The following CACNA2D3 variants were observed in gnomAD, a reference collection of about 807,000 sequenced individuals.
CACNA2D3 encodes calcium voltage-gated channel auxiliary subunit alpha2delta 3.
CACNA2D3 carries 60 observed loss-of-function variants against 160.6 expected under a neutral mutation model. The observed-to-expected ratio is 0.37, with a 90% CI of 0.30 to 0.46. The LOEUF (loss-of-function observed/expected upper bound fraction) is 0.46, where lower values mean the gene tolerates loss of function less well. CACNA2D3 is among the 20% of genes least tolerant of loss of function. The pLI is 1.00. For missense variants in CACNA2D3, 1,205 were observed against 1,365.0 expected, an observed-to-expected ratio of 0.88 and a Z score of 1.85; for synonymous variants, 558 against 492.9, an observed-to-expected ratio of 1.13 and a Z score of -1.75.
intron 13 of CACNA2D3, among the ~76,000 whole-genome samples, chr3:54,779,523 G>A (rs993820070): frequency 1.3e-5 from 2 of 152,082 alleles, no homozygotes; most frequent in Admixed American, 6.5e-5. Context: ...GCTTTTTTCT[G>A]TATTTCCCCC....
rs1559537974 is a variant in CACNA2D3, at chr3:54,646,188, T to TCCC, written c.1167+3947_1167+3948insCCC. ...CCTCCCTCCCTCCCTCCCTCCCTCC[T>TCCC]TCCTTGCTTCCTTCCTTCCTTCCTT... On this transcript the variant is annotated intron_variant, in intron 11 of 37. Coordinates refer to ENST00000474759, the MANE Select transcript of CACNA2D3 (RefSeq NM_018398.3). 5.1e-3 allele frequency among the ~76,000 whole-genome samples: 37 copies of TCCC among 7,290 alleles called. 2 individuals carry two copies. The highest frequency in any genetic ancestry group is 5.8e-3 in the Non-Finnish European group (17 of 2,908). 4.8% of individuals were successfully genotyped at this position (7,290 alleles called of 152,430 possible).
At chr3:54,346,735 G>A (rs1004181637) in intron 3 of CACNA2D3, among the ~76,000 whole-genome samples, 6 of 152,102 alleles carry the variant, frequency 3.9e-5, no homozygotes, top group Non-Finnish European at 8.8e-5. Context: ...TCTTTGTGTT[G>A]TATAGTTCTA....
chr3:54,331,923 TC>T (rs1369176766), intron 3 of CACNA2D3, among the ~76,000 whole-genome samples: 1 of 152,162 alleles, frequency 6.6e-6, no homozygotes, highest in African/African-American at 2.4e-5. Flanking sequence ...ATCAGAGCTA[TC>T]CCCTCCCTCC....
intron 5 of CACNA2D3, among the ~76,000 whole-genome samples, chr3:54,518,184 G>C (rs1474797442): frequency 1.3e-5 from 2 of 152,142 alleles, no homozygotes; most frequent in African/African-American, 2.4e-5. Context: ...TGTCAGCGTG[G>C]TTACGAGTGG....
intron 35 of CACNA2D3, among the ~76,000 whole-genome samples, chr3:55,020,269 T>G (rs1703417519): frequency 6.6e-6 from 1 of 150,682 alleles, no homozygotes; most frequent in Non-Finnish European, 1.5e-5. Context: ...ATTAGCTTAT[T>G]AATTTCCATG....
At chr3:54,601,420 C>T (rs1703058972) in intron 9 of CACNA2D3, among the ~76,000 whole-genome samples, 2 of 152,136 alleles carry the variant, frequency 1.3e-5, no homozygotes, top group African/African-American at 4.8e-5. Context: ...GTTGCCCAAG[C>T]TGGTCTGTAA....
chr3:54,966,514 TG>T (rs1702154187), intron 27 of CACNA2D3, among the ~76,000 whole-genome samples: 1 of 152,186 alleles, frequency 6.6e-6, no homozygotes, highest in Middle Eastern at 3.2e-3. Flanking sequence ...GAGAATCATC[TG>T]GGACACTTTT....
rs114296337 is a variant in CACNA2D3 at position 54,938,915 on chromosome 3, T to C, written c.2450-29535T>C. Among the ~76,000 whole-genome samples, 386 of 152,150 alleles carry C rather than the reference T, an allele frequency of 2.5e-3. 2 individuals carry two copies. The highest frequency in any genetic ancestry group is 9.0e-3 in the African/African-American group (374 of 41,506). On this transcript the variant is annotated intron_variant, in intron 27 of 37. Coordinates refer to ENST00000474759, the MANE Select transcript of CACNA2D3 (RefSeq NM_018398.3). Reference sequence around the variant, plus strand: ...TGGACATGCTGTCCCGCTGAAGCTGTCCCAGGAGAGCATGTGCATTGGCCT... The same window carrying C: ...TGGACATGCTGTCCCGCTGAAGCTGCCCCAGGAGAGCATGTGCATTGGCCT...
intron 12 of CACNA2D3, among the ~76,000 whole-genome samples, chr3:54,757,273 T>C (rs1351354121): frequency 6.6e-6 from 1 of 152,148 alleles, no homozygotes; most frequent in South Asian, 2.1e-4. Context: ...TCAGGTCCAA[T>C]GGAAATGCCA....
At position 54,386,467 on chromosome 3, in the gene CACNA2D3, A is replaced by G. The variant is rs1454085107; in HGVS notation, c.322-248A>G. ...GAATTGTTAGGTAAATGGATGCAGA[A>G]CACGTGTGCATTTATAAATGTGTAC... On this transcript the variant is annotated intron_variant, in intron 3 of 37. Transcript: ENST00000474759. Among the ~76,000 whole-genome samples, 9 of 152,328 alleles carry G rather than the reference A, an allele frequency of 5.9e-5. No homozygotes were observed. The East Asian group carries it at 1.5e-3, about 26-fold the overall frequency.
chr3:54,760,768 G>A (rs1702067154), intron 12 of CACNA2D3, among the ~76,000 whole-genome samples: 1 of 151,996 alleles, frequency 6.6e-6, no homozygotes, highest in South Asian at 2.1e-4. Flanking sequence ...GAGGGATATG[G>A]AGGATAATTA....
In CACNA2D3 at chr3:54,681,722, C is replaced by T. The variant is rs140800405; in HGVS notation, c.1167+39481C>T. Among the ~76,000 whole-genome samples, 842 of 152,240 alleles carry T rather than the reference C, an allele frequency of 5.5e-3. 15 individuals carry two copies. Among genetic ancestry groups the T allele is most frequent in the African/African-American group, 0.019 (804 of 41,540 alleles). On this transcript the variant is annotated intron_variant, in intron 11 of 37. Coordinates refer to ENST00000474759, the MANE Select transcript of CACNA2D3 (RefSeq NM_018398.3). ...TTTCTGAAACAGAGTCTCGCTTTGT[C>T]ACCCAGGCTGGTGTGATGCAATCTC...
At chr3:54,880,102 C>T (rs1454624894) in intron 20 of CACNA2D3, among the ~76,000 whole-genome samples, 1 of 152,200 alleles carries the variant, frequency 6.6e-6, no homozygotes, top group Non-Finnish European at 1.5e-5. Context: ...TAAATTCTAG[C>T]ATTGTTGTCC....
chr3:54,933,607 G>C (rs1336986246), intron 27 of CACNA2D3, among the ~76,000 whole-genome samples: 1 of 152,162 alleles, frequency 6.6e-6, no homozygotes, highest in Non-Finnish European at 1.5e-5. Flanking sequence ...AGCAGTTTCT[G>C]CCTCCACATT....
intron 25 of CACNA2D3, among the ~76,000 whole-genome samples, chr3:54,892,376 C>T (rs76718461): frequency 0.12 from 18,572 of 151,922 alleles, 1,205 homozygotes; most frequent in Non-Finnish European, 0.14. Context: ...TCCAAGGAGG[C>T]GGTGCTTCCT....
At chr3:54,909,630 GA>G (rs1468296756) in intron 27 of CACNA2D3, among the ~76,000 whole-genome samples, 1 of 146,104 alleles carries the variant, frequency 6.8e-6, no homozygotes, top group East Asian at 2.0e-4. Flanking sequence ...AACATTATGA[GA>G]TTTTTTTTGT....
chr3:54,965,624 T>A (rs1378801806), intron 27 of CACNA2D3, among the ~76,000 whole-genome samples: 1 of 152,210 alleles, frequency 6.6e-6, no homozygotes, highest in East Asian at 1.9e-4. Flanking sequence ...GTCGTGAAGT[T>A]GATCCATCAA....
At chr3:54,172,826 G>A (rs968991084) in intron 2 of CACNA2D3, among the ~76,000 whole-genome samples, 2 of 152,134 alleles carry the variant, frequency 1.3e-5, no homozygotes, top group Non-Finnish European at 2.9e-5. Flanking sequence ...ATTTTAGTAG[G>A]TATTGGGATT....
rs568867389 is a variant in CACNA2D3 at position 54,529,461 on chromosome 3, C to T, written c.544+25807C>T. On this transcript the variant is annotated intron_variant, in intron 5 of 37. Transcript: ENST00000474759. ...CATTAAGAATCCAGCTTTGAAGCCC[C>T]CAAAGACCTGGATTTGACCCCTGAG... Among the ~76,000 whole-genome samples the T allele has an allele frequency of 2.0e-5, 3 of 152,266 alleles. No individual in the cohort carries two copies. In the East Asian group the frequency reaches 5.8e-4, roughly 29 times the overall value.
Sources: gnomAD v4.1 joint callset for allele counts (sites outside exome capture counted in the v4.1 genomes callset) on GRCh38, gnomAD v4.1.1 for gene constraint, MANE v1.5 for transcripts, NCBI Gene and HGNC (gene_info 2026-07-23, HGNC 2026-07-21) for gene names.